Variants in FCRL1 observed in about 807,000 individuals in gnomAD.
FCRL1 encodes Fc receptor-like protein 1.
In FCRL1, 34 loss-of-function variants were observed where a neutral mutation model predicts 49.2. The ratio of observed to expected loss-of-function variants is 0.69; its 90% CI spans 0.53 to 0.92. FCRL1 has a LOEUF of 0.92. Among genes scored for constraint, FCRL1 ranks in the 40% least tolerant of loss-of-function variants. The pLI is 0.00. For synonymous variants in FCRL1, 218 were observed against 201.6 expected (o/e 1.08, Z -0.69); for missense variants, 524 against 524.1 (o/e 1.00, Z 0.00).
At chr1:157,808,347 T>C (rs1355012319) in intron 1 of FCRL1, among the ~76,000 whole-genome samples, 1 of 152,236 alleles carries the variant, frequency 6.6e-6, no homozygotes, top group East Asian at 1.9e-4. Flanking sequence ...TAAGATGGTC[T>C]TAACTGTTTA....
intron 1 of FCRL1, among the ~76,000 whole-genome samples, chr1:157,814,532 C>T (rs1571413600): frequency 6.6e-6 from 1 of 151,704 alleles, no homozygotes; most frequent in Non-Finnish European, 1.5e-5. Context: ...CAAAGATAAA[C>T]AACAGGAGAG....
chr1:157,806,745 G>T (rs1653519853), intron 2 of FCRL1: 1 of 194,706 alleles, frequency 5.1e-6, no homozygotes, highest in Non-Finnish European at 1.0e-5. Context: ...AGCTCCTGAG[G>T]CTGGGAGGAC....
chr1:157,796,958 T>C, intron 10 of FCRL1, 143 bp downstream of exon 10: 1 of 713,648 alleles, frequency 1.4e-6, no homozygotes, highest in Non-Finnish European at 2.4e-6. Context: ...ACTATGTGTT[T>C]TTACCTCCAT....
chr1:157,799,972 A>T, intron 7 of FCRL1, 86 bp downstream of exon 7: 2 of 1,291,146 alleles, frequency 1.5e-6, no homozygotes, highest in Non-Finnish European at 2.1e-6. Context: ...GCCGGAAAAA[A>T]AATGCTCAGG....
intron 2 of FCRL1, among the ~76,000 whole-genome samples, chr1:157,805,198 C>G (rs912743708): frequency 5.3e-5 from 8 of 152,126 alleles, no homozygotes; most frequent in African/African-American, 1.7e-4. Context: ...AAATTGTGCT[C>G]TGCTCTCTCC....
intron 1 of FCRL1, among the ~76,000 whole-genome samples, chr1:157,814,684 T>G (rs1654794577): frequency 6.6e-6 from 1 of 151,986 alleles, no homozygotes. Context: ...GCTGAATGGA[T>G]TTTAAAAAAC....
chr1:157,807,437 A>G (rs1653659501), intron 1 of FCRL1, among the ~76,000 whole-genome samples: 1 of 152,178 alleles, frequency 6.6e-6, no homozygotes, highest in Non-Finnish European at 1.5e-5. Context: ...GTAATTGCCA[A>G]TGACTTGTGT....
At position 157,803,897 on chromosome 1, in the gene FCRL1, C is replaced by T; in HGVS notation, c.267G>A (p.Gln89=). The change falls in exon 3 of 11, where the codon CAG becomes CAA. Residue 89 remains glutamine (Q), a synonymous_variant. Coordinates refer to ENST00000368176, the MANE Select transcript of FCRL1 (RefSeq NM_052938.5). Reference sequence around the variant, plus strand: ...TCCTCAAGACTTTGGACGCCATTGTCTGTGCCTCGCACCAGTATGACCCTG... The same window carrying T: ...TCCTCAAGACTTTGGACGCCATTGTTTGTGCCTCGCACCAGTATGACCCTG... ...EDTGSYWCEA[Q]TMASKVLRSR... is the part of the protein sequence containing the mutation. The T allele has an allele frequency of 6.2e-7, 1 of 1,614,214 alleles. No individual in the cohort carries two copies. The highest frequency in any genetic ancestry group is 8.5e-7 in the Non-Finnish European group (1 of 1,180,040).
At chr1:157,818,768 TA>T (rs143979802) in intron 1 of FCRL1, among the ~76,000 whole-genome samples, 1,776 of 152,288 alleles carry the variant, frequency 0.012, 37 homozygotes, top group African/African-American at 0.041. Flanking sequence ...GTGATTGTCA[TA>T]AAAAACCATT....
chr1:157,800,828 G>A (rs1403298984), intron 6 of FCRL1, among the ~76,000 whole-genome samples: 6 of 151,968 alleles, frequency 3.9e-5, no homozygotes, highest in Admixed American at 2.0e-4. Context: ...CTGCGATATA[G>A]TCAGGATAGC....
intron 1 of FCRL1, among the ~76,000 whole-genome samples, chr1:157,814,104 G>A (rs1383731685): frequency 6.6e-6 from 1 of 152,118 alleles, no homozygotes; most frequent in Non-Finnish European, 1.5e-5. Flanking sequence ...CCAGCCAGAA[G>A]TGAAAGGACA....
chr1:157,812,979 A>T (rs1654533762), intron 1 of FCRL1, among the ~76,000 whole-genome samples: 2 of 152,142 alleles, frequency 1.3e-5, no homozygotes, highest in African/African-American at 2.4e-5. Flanking sequence ...AGGCACACAC[A>T]AGCATTGCTG....
intron 1 of FCRL1, among the ~76,000 whole-genome samples, chr1:157,809,682 ACTC>A (rs1229627450): frequency 1.3e-5 from 2 of 151,864 alleles, no homozygotes; most frequent in Non-Finnish European, 2.9e-5. Context: ...CTTGGTCTGA[ACTC>A]CTGACCTCAG....
At chr1:157,810,714 T>A (rs1200864882) in intron 1 of FCRL1, among the ~76,000 whole-genome samples, 2 of 152,152 alleles carry the variant, frequency 1.3e-5, no homozygotes, top group African/African-American at 4.8e-5. Flanking sequence ...CTTAATGTAA[T>A]GTAAATTAAA....
At chr1:157,819,630 A>T (rs1655519360) in intron 1 of FCRL1, among the ~76,000 whole-genome samples, 1 of 152,058 alleles carries the variant, frequency 6.6e-6, no homozygotes, top group African/African-American at 2.4e-5. Context: ...GGGAATGGGG[A>T]GTCAGAGAGG....
intron 1 of FCRL1, among the ~76,000 whole-genome samples, chr1:157,810,332 T>A (rs1280430539): frequency 6.6e-6 from 1 of 151,388 alleles, no homozygotes; most frequent in Non-Finnish European, 1.5e-5. Context: ...AGTCTCTTTC[T>A]GCCACCCAGG....
At chr1:157,802,299 G>A in intron 4 of FCRL1, 78 bp downstream of exon 4, 1 of 1,580,984 alleles carries the variant, frequency 6.3e-7, no homozygotes, top group Non-Finnish European at 8.6e-7. Context: ...GCATGCCCCA[G>A]GGAAACTTTG....
Position 157,803,899 on chromosome 1 carries a change from G to T in FCRL1, c.265C>A (p.Gln89Lys), listed in dbSNP as rs770410973. 5.6e-6 allele frequency: 9 copies of T among 1,614,048 alleles called. No homozygotes were observed. Among genetic ancestry groups the T allele is most frequent in the African/African-American group, 1.3e-5 (1 of 74,922 alleles). ...EDTGSYWCEA[Q>K]TMASKVLRSR... ...CTCAAGACTTTGGACGCCATTGTCT[G>T]TGCCTCGCACCAGTATGACCCTGTG... The change falls in exon 3 of 11, where the codon CAG becomes AAG. Residue 89 changes from glutamine (Q) to lysine (K), a missense_variant. Gln to Lys is a moderately conservative substitution (Grantham distance 53). Coordinates refer to ENST00000368176, the MANE Select transcript of FCRL1 (RefSeq NM_052938.5).
chr1:157,818,671 T>C (rs1435548066), intron 1 of FCRL1, among the ~76,000 whole-genome samples: 1 of 151,774 alleles, frequency 6.6e-6, no homozygotes, highest in Admixed American at 6.6e-5. Context: ...GGAAAAAAAA[T>C]TGGGGATGCC....
Sources: allele counts gnomAD v4.1 joint callset (sites outside exome capture counted in the v4.1 genomes callset), GRCh38; gene constraint gnomAD v4.1.1; transcripts MANE v1.5; gene names NCBI Gene and HGNC (gene_info 2026-07-23, HGNC 2026-07-21).